The following CLASP1 variants were observed in gnomAD, a reference collection of about 807,000 sequenced individuals.
The protein encoded by CLASP1 is CLIP-associating protein 1.
CLASP1 carries 38 observed loss-of-function variants against 192.3 expected under a neutral mutation model. The observed-to-expected ratio is 0.20, with a 90% CI of 0.15 to 0.26. The LOEUF (loss-of-function observed/expected upper bound fraction) is 0.26, where lower values mean the gene tolerates loss of function less well. Ranked by LOEUF, CLASP1 falls within the 10% of genes least tolerant of loss-of-function variation. The probability of loss-of-function intolerance (pLI) is 1.00; values close to 1 mark genes in which losing one functional copy is unlikely to be tolerated. For synonymous variants in CLASP1, 691 were observed against 712.8 expected (o/e 0.97, Z 0.49); for missense variants, 1,433 against 1,932.5 (o/e 0.74, Z 4.85).
intron 12 of CLASP1, among the ~76,000 whole-genome samples, chr2:121,459,263 A>G (rs1575064337): frequency 6.6e-6 from 1 of 152,140 alleles, no homozygotes; most frequent in Non-Finnish European, 1.5e-5. Context: ...CCTGGGCTCA[A>G]TCAATCCTCC....
chr2:121,426,190 T>C (rs977299342), intron 21 of CLASP1, among the ~76,000 whole-genome samples: 2 of 151,856 alleles, frequency 1.3e-5, no homozygotes, highest in Non-Finnish European at 2.9e-5. Flanking sequence ...CAAAGTAAAA[T>C]AAAATGAAAT....
chr2:121,469,377 T>C (rs762577973), intron 9 of CLASP1, among the ~76,000 whole-genome samples: 29 of 152,200 alleles, frequency 1.9e-4, no homozygotes, highest in South Asian at 1.0e-3. Flanking sequence ...GGGGCCAGTC[T>C]ACAAAATATA....
chr2:121,588,919 C>A (rs1043830975), intron 2 of CLASP1, among the ~76,000 whole-genome samples: 1 of 152,172 alleles, frequency 6.6e-6, no homozygotes, highest in African/African-American at 2.4e-5. Context: ...GTCTCCCCGG[C>A]TACAATGCAT....
intron 16 of CLASP1, among the ~76,000 whole-genome samples, chr2:121,449,879 C>T (rs1048381483): frequency 2.6e-5 from 4 of 152,138 alleles, no homozygotes; most frequent in Admixed American, 2.0e-4. Flanking sequence ...CAGGCTAGTA[C>T]AATTAGATTT....
intron 2 of CLASP1, chr2:121,530,782 T>TC (rs1375653831): frequency 7.0e-6 from 4 of 571,742 alleles, no homozygotes; most frequent in African/African-American, 1.9e-5. Context: ...GGAGGTAAGC[T>TC]AGCTACCAGA....
intron 8 of CLASP1, among the ~76,000 whole-genome samples, chr2:121,481,070 A>C (rs973183210): frequency 2.6e-5 from 4 of 152,222 alleles, no homozygotes; most frequent in African/African-American, 9.7e-5. Flanking sequence ...TGAGGCCTGC[A>C]TTGCTGGCAA....
intron 8 of CLASP1, among the ~76,000 whole-genome samples, chr2:121,493,680 T>C (rs995285734): frequency 6.6e-6 from 1 of 151,954 alleles, no homozygotes; most frequent in Non-Finnish European, 1.5e-5. Flanking sequence ...AGAAAATATT[T>C]GCAAACTACC....
At chr2:121,459,084 A>C (rs1449563467) in intron 12 of CLASP1, 109 bp from the exon 13 acceptor site, 1 of 749,900 alleles carries the variant, frequency 1.3e-6, no homozygotes, top group African/African-American at 1.8e-5. Context: ...AGAAAGGACA[A>C]GGGTCTGAGA....
In CLASP1 at chr2:121,421,568, G is replaced by C. The variant is rs534308087; in HGVS notation, c.2213-2839C>G. On this transcript the variant is annotated intron_variant, in intron 22 of 39. Coordinates refer to ENST00000263710, the Ensembl canonical transcript of CLASP1. ...CAGCCTATTTTTTATTTTTGAGACA[G>C]AGTCTTCTTCTGTTGACCAGGCTGG... 7.9e-5 allele frequency among the ~76,000 whole-genome samples: 12 copies of C among 151,400 alleles called. No individual in the cohort carries two copies. The South Asian group carries it at 1.5e-3, about 19-fold the overall frequency.
intron 16 of CLASP1, 38 bp downstream of exon 16, chr2:121,450,875 G>T: frequency 7.4e-7 from 1 of 1,344,952 alleles, no homozygotes; most frequent in Non-Finnish European, 1.1e-6. Flanking sequence ...AAATATAGAA[G>T]AAGTTAATTT....
intron 7 of CLASP1, among the ~76,000 whole-genome samples, chr2:121,507,301 A>G (rs994325496): frequency 2.6e-5 from 4 of 152,234 alleles, no homozygotes; most frequent in Non-Finnish European, 5.9e-5. Flanking sequence ...AATAACTGAA[A>G]TTAAAAATTC....
At chr2:121,530,859 A>T (rs868617067) in intron 2 of CLASP1, 3 of 669,288 alleles carry the variant, frequency 4.5e-6, no homozygotes, top group Admixed American at 4.2e-5. Flanking sequence ...TCCTGCTTGC[A>T]GCCCAGGGAC....
At chr2:121,482,038 A>G (rs1258116339) in intron 8 of CLASP1, among the ~76,000 whole-genome samples, 1 of 152,022 alleles carries the variant, frequency 6.6e-6, no homozygotes, top group Non-Finnish European at 1.5e-5. Context: ...CCACCAACCA[A>G]CCCTCGGATG....
intron 8 of CLASP1, among the ~76,000 whole-genome samples, chr2:121,492,404 A>AG (rs1329212852): frequency 0.042 from 6,188 of 147,970 alleles, 527 homozygotes; most frequent in African/African-American, 0.15. Flanking sequence ...AAAAAAAAAA[A>AG]AAAAAAAAAA....
intron 2 of CLASP1, among the ~76,000 whole-genome samples, chr2:121,553,828 T>C (rs1348297373): frequency 6.6e-6 from 1 of 152,228 alleles, no homozygotes; most frequent in Non-Finnish European, 1.5e-5. Context: ...CATATAGCAG[T>C]ATTATTCATA....
chr2:121,460,953 C>A, intron 11 of CLASP1, 148 bp downstream of exon 11: 2 of 586,216 alleles, frequency 3.4e-6, no homozygotes, highest in Non-Finnish European at 6.0e-6. Flanking sequence ...AGACACTCTA[C>A]TAAAAAGGTG....
intron 2 of CLASP1, among the ~76,000 whole-genome samples, chr2:121,601,511 C>G (rs1230648629): frequency 1.1e-4 from 17 of 152,114 alleles, no homozygotes; most frequent in Admixed American, 2.0e-4. Flanking sequence ...ACCTCGTGAT[C>G]CGCCTGCCTC....
intron 1 of CLASP1, among the ~76,000 whole-genome samples, chr2:121,646,441 T>C (rs1276948342): frequency 1.3e-5 from 2 of 152,224 alleles, no homozygotes; most frequent in Non-Finnish European, 2.9e-5. Flanking sequence ...CTGTAAAATG[T>C]TCTGTTTTTA....
chr2:121,345,514 T>G (rs934228835), intron 39 of CLASP1, among the ~76,000 whole-genome samples: 1 of 152,204 alleles, frequency 6.6e-6, no homozygotes, highest in African/African-American at 2.4e-5. Context: ...CTTTGTGAAT[T>G]GTATCATTGA....
Sources: allele counts gnomAD v4.1 joint callset (sites outside exome capture counted in the v4.1 genomes callset), GRCh38; gene constraint gnomAD v4.1.1; transcripts MANE v1.5; gene names NCBI Gene and HGNC (gene_info 2026-07-23, HGNC 2026-07-21).